Variants in NKAIN3 observed in about 807,000 individuals in gnomAD.
The protein encoded by NKAIN3 is sodium/potassium transporting ATPase interacting 3.
Under a neutral mutation model 30.2 loss-of-function variants are expected in NKAIN3, and 25 were observed. That is an observed-to-expected ratio of 0.83 (90% CI 0.60 to 1.16). The LOEUF is 1.16. NKAIN3 is among the 50% of genes most tolerant of loss of function. The pLI, the probability that NKAIN3 is intolerant of heterozygous loss-of-function variation, is 0.00. For missense variants in NKAIN3, 225 were observed against 254.1 expected (o/e 0.89, Z 0.78); for synonymous variants, 91 against 89.6 (o/e 1.02, Z -0.09).
intron 3 of NKAIN3, among the ~76,000 whole-genome samples, chr8:62,734,686 T>C (rs1815592070): frequency 6.6e-6 from 1 of 152,190 alleles, no homozygotes; most frequent in Non-Finnish European, 1.5e-5. Flanking sequence ...GGAGAATGTT[T>C]TGAGAAAAAG....
intron 1 of NKAIN3, among the ~76,000 whole-genome samples, chr8:62,438,291 G>T (rs1236107518): frequency 6.6e-6 from 1 of 152,176 alleles, no homozygotes; most frequent in Non-Finnish European, 1.5e-5. Flanking sequence ...CTGAAGGAGA[G>T]AATAAAATCA....
intron 1 of NKAIN3, among the ~76,000 whole-genome samples, chr8:62,556,680 A>G (rs1191365376): frequency 6.6e-6 from 1 of 151,904 alleles, no homozygotes; most frequent in Non-Finnish European, 1.5e-5. Context: ...ATTTAAGGCA[A>G]AAAAACATTA....
intron 3 of NKAIN3, among the ~76,000 whole-genome samples, chr8:62,731,528 G>A (rs1335264648): frequency 6.6e-6 from 1 of 151,990 alleles, no homozygotes; most frequent in Admixed American, 6.6e-5. Context: ...TCATCCCCTT[G>A]ACAAAGCCAA....
intron 3 of NKAIN3, among the ~76,000 whole-genome samples, chr8:62,590,367 C>T (rs1432901181): frequency 3.3e-5 from 5 of 151,834 alleles, no homozygotes; most frequent in South Asian, 4.2e-4. Flanking sequence ...ATGATACACA[C>T]GTTATTTCTG....
chr8:62,969,240 C>G lies in NKAIN3; in HGVS notation c.*3833C>G, dbSNP rs1823779874. Among the ~76,000 whole-genome samples the G allele has an allele frequency of 6.6e-6, 1 of 152,188 alleles. No individual in the cohort carries two copies. The highest frequency in any genetic ancestry group is 2.1e-4 in the South Asian group (1 of 4,828). On this transcript the variant is annotated 3_prime_UTR_variant, in exon 7 of 7. Transcript: ENST00000623646. ...AAGGGAGGCAGCCAGTTTCAAGAGG[C>G]TGGCTCTAACAAAATATACCAAGGC...
At chr8:62,638,045 A>G (rs1299976472) in intron 3 of NKAIN3, among the ~76,000 whole-genome samples, 2 of 152,106 alleles carry the variant, frequency 1.3e-5, no homozygotes, top group South Asian at 2.1e-4. Context: ...TATGAATAAC[A>G]TTTTCTGCCT....
intron 4 of NKAIN3, among the ~76,000 whole-genome samples, chr8:62,891,862 G>T (rs981653280): frequency 6.6e-6 from 1 of 151,710 alleles, no homozygotes; most frequent in South Asian, 2.1e-4. Flanking sequence ...CCTTCCCCCC[G>T]CTTTCTCTTT....
intron 1 of NKAIN3, among the ~76,000 whole-genome samples, chr8:62,268,094 G>T (rs1812662568): frequency 1.3e-5 from 2 of 152,158 alleles, no homozygotes; most frequent in African/African-American, 2.4e-5. Context: ...AGAAATAGTT[G>T]CTGGGTTGGG....
chr8:62,356,614 G>T (rs929704863), intron 1 of NKAIN3, among the ~76,000 whole-genome samples: 7 of 152,058 alleles, frequency 4.6e-5, no homozygotes, highest in African/African-American at 1.7e-4. Flanking sequence ...CTATTGCCTT[G>T]TTCTGGCTTT....
At chr8:62,400,448 A>G (rs747029379) in intron 1 of NKAIN3, among the ~76,000 whole-genome samples, 2 of 152,166 alleles carry the variant, frequency 1.3e-5, no homozygotes, top group Non-Finnish European at 2.9e-5. Context: ...CTGGCATTAC[A>G]GGCATGAGTC....
At chr8:62,436,064 T>A (rs972762691) in intron 1 of NKAIN3, among the ~76,000 whole-genome samples, 2 of 152,212 alleles carry the variant, frequency 1.3e-5, no homozygotes, top group Non-Finnish European at 2.9e-5. Flanking sequence ...TTACTCAAAG[T>A]AAATCCCTAA....
Position 62,579,665 on chromosome 8 carries a change from T to C in NKAIN3, c.181T>C (p.Tyr61His). Reference protein sequence around the residue: ...LFGTIQYRPRYIMVYTVWTAL... With the variant: ...LFGTIQYRPRHIMVYTVWTAL... ...TGGGACCATTCAGTACAGACCTCGA[T>C]ACATAATGGTGGTAAGTCTTATTTT... is the stretch of plus-strand genomic sequence containing the variant. The change falls in exon 2 of 7, where the codon TAC (tyrosine) becomes CAC (histidine). Residue 61 changes from tyrosine (Y) to histidine (H), a missense_variant. Tyr to His is a moderately conservative substitution (Grantham distance 83, BLOSUM62 2). Transcript: ENST00000623646. 1 of 1,499,480 alleles carries C rather than the reference T, an allele frequency of 6.7e-7. No individual in the cohort carries two copies. 92.9% of individuals were successfully genotyped at this position (1,499,480 alleles called of 1,614,324 possible).
chr8:62,530,315 C>G (rs951967567), intron 1 of NKAIN3, among the ~76,000 whole-genome samples: 4 of 151,978 alleles, frequency 2.6e-5, no homozygotes, highest in African/African-American at 7.2e-5. Context: ...GGTTGGCAAA[C>G]CAGAACTTAA....
At chr8:62,500,453 G>GAAAGAA (rs1554540097) in intron 1 of NKAIN3, among the ~76,000 whole-genome samples, 1 of 119,468 alleles carries the variant, frequency 8.4e-6, no homozygotes, top group Non-Finnish European at 1.7e-5. Context: ...AAGAAAGAAA[G>GAAAGAA]AAAGAAAGAA....
At chr8:62,851,987 G>A (rs1586268811) in intron 4 of NKAIN3, among the ~76,000 whole-genome samples, 1 of 152,106 alleles carries the variant, frequency 6.6e-6, no homozygotes, top group Admixed American at 6.5e-5. Flanking sequence ...AGTTAGGGAG[G>A]ATTCCCTCTT....
intron 1 of NKAIN3, among the ~76,000 whole-genome samples, chr8:62,491,263 A>G (rs1353489216): frequency 6.6e-6 from 1 of 152,212 alleles, no homozygotes; most frequent in African/African-American, 2.4e-5. Flanking sequence ...CTACATCATT[A>G]TTAGACACAT....
At chr8:62,554,630 G>T (rs1162522641) in intron 1 of NKAIN3, among the ~76,000 whole-genome samples, 1 of 152,002 alleles carries the variant, frequency 6.6e-6, no homozygotes, top group Non-Finnish European at 1.5e-5. Flanking sequence ...AATGGTACTA[G>T]GCTATTGGTA....
At chr8:62,805,499 A>T (rs181247289) in intron 4 of NKAIN3, among the ~76,000 whole-genome samples, 76 of 152,310 alleles carry the variant, frequency 5.0e-4, no homozygotes, top group African/African-American at 1.7e-3. Context: ...ATAATGCCAC[A>T]TATCTACAAC....
At position 62,527,683 on chromosome 8, in the gene NKAIN3, GTAT is replaced by G. The variant is rs555560965; in HGVS notation, c.55-51849_55-51847del. On this transcript the variant is annotated intron_variant, in intron 1 of 6. Transcript: ENST00000623646. ...GTTAAGAAGCAATGTTTTAGAAAATGTATTATTATATTTATCTCTCCAATCCAA... is the reference window on the plus strand; with the variant it reads ...GTTAAGAAGCAATGTTTTAGAAAATGTATTATATTTATCTCTCCAATCCAA... Among the ~76,000 whole-genome samples, 1,165 of 152,142 alleles carry G rather than the reference GTAT, an allele frequency of 7.7e-3. 8 individuals carry two copies. Among genetic ancestry groups the G allele is most frequent in the Middle Eastern group, 0.02 (6 of 294 alleles).
Sources: allele counts gnomAD v4.1 joint callset (sites outside exome capture counted in the v4.1 genomes callset), GRCh38; gene constraint gnomAD v4.1.1; transcripts MANE v1.5; gene names NCBI Gene and HGNC (gene_info 2026-07-23, HGNC 2026-07-21).